EVI5: variants seen among roughly 807,000 people sequenced by gnomAD.
The protein encoded by EVI5 is ecotropic viral integration site 5 protein homolog.
Under a neutral mutation model 112.0 loss-of-function variants are expected in EVI5, and 73 were observed. The observed-to-expected ratio is 0.65, with a 90% CI of 0.54 to 0.79. The LOEUF (loss-of-function observed/expected upper bound fraction) is 0.79. EVI5 is among the 30% of genes least tolerant of loss of function. The pLI is 0.00. For missense variants in EVI5, 900 were observed against 968.8 expected (o/e 0.93, Z 0.94); for synonymous variants, 305 against 319.9 (o/e 0.95, Z 0.50).
intron 19 of EVI5, among the ~76,000 whole-genome samples, chr1:92,530,563 CCTCTGGGACAAAGCT>C (rs1662701760): frequency 1.3e-5 from 2 of 151,942 alleles, no homozygotes; most frequent in Non-Finnish European, 2.9e-5. Flanking sequence ...GGCAGGTGCC[CCTCTGGGACAAAGCT>C]TTCAGAGGAA....
intron 13 of EVI5, among the ~76,000 whole-genome samples, chr1:92,651,273 C>A (rs1477912857): frequency 2.6e-5 from 4 of 152,106 alleles, no homozygotes; most frequent in Non-Finnish European, 5.9e-5. Flanking sequence ...ACAAATTGAA[C>A]CTGATATATT....
At chr1:92,623,912 C>T (rs1023838492) in intron 16 of EVI5, among the ~76,000 whole-genome samples, 1 of 152,134 alleles carries the variant, frequency 6.6e-6, no homozygotes, top group African/African-American at 2.4e-5. Context: ...TCAAGTCATG[C>T]AACAGGGCAA....
intron 10 of EVI5, among the ~76,000 whole-genome samples, chr1:92,675,694 C>T (rs1236678135): frequency 1.3e-5 from 2 of 152,038 alleles, no homozygotes; most frequent in South Asian, 2.1e-4. Context: ...CGGTGGCTCA[C>T]GCCTGTAATC....
At chr1:92,631,234 G>C (rs1025289620) in intron 14 of EVI5, among the ~76,000 whole-genome samples, 1 of 152,152 alleles carries the variant, frequency 6.6e-6, no homozygotes, top group African/African-American at 2.4e-5. Context: ...TTGGTAGCTT[G>C]ATGGGGATGG....
At chr1:92,713,374 A>G (rs926927387) in intron 2 of EVI5, among the ~76,000 whole-genome samples, 3 of 151,492 alleles carry the variant, frequency 2.0e-5, no homozygotes, top group Non-Finnish European at 4.4e-5. Flanking sequence ...ATACTAGACC[A>G]TACTAGATCT....
intron 9 of EVI5, among the ~76,000 whole-genome samples, chr1:92,687,076 T>G (rs992001810): frequency 6.6e-6 from 1 of 152,046 alleles, no homozygotes; most frequent in Non-Finnish European, 1.5e-5. Context: ...GAGCCCACAT[T>G]GCCGAAACAA....
intron 2 of EVI5, among the ~76,000 whole-genome samples, chr1:92,725,503 A>G (rs1380994265): frequency 1.3e-5 from 2 of 152,144 alleles, no homozygotes; most frequent in African/African-American, 2.4e-5. Flanking sequence ...GGTATTCAAT[A>G]AAAAATTATC....
chr1:92,613,040 G>A (rs997080604), intron 16 of EVI5, among the ~76,000 whole-genome samples: 1 of 152,178 alleles, frequency 6.6e-6, no homozygotes, highest in African/African-American at 2.4e-5. Flanking sequence ...CTCAAGAAGG[G>A]GAATAGCAGT....
At chr1:92,560,892 C>G (rs951737715) in intron 19 of EVI5, among the ~76,000 whole-genome samples, 3 of 147,012 alleles carry the variant, frequency 2.0e-5, no homozygotes, top group African/African-American at 5.1e-5. Context: ...TTTTTTAAAG[C>G]TTCTGTTCTT....
At chr1:92,732,328 T>C in intron 2 of EVI5, 1 of 395,154 alleles carries the variant, frequency 2.5e-6, no homozygotes, top group Non-Finnish European at 5.0e-6. Flanking sequence ...CTTACATGAC[T>C]GCCACTCAGT....
chr1:92,594,057 C>T (rs1015273249), intron 18 of EVI5, among the ~76,000 whole-genome samples: 40 of 152,064 alleles, frequency 2.6e-4, no homozygotes, highest in African/African-American at 4.1e-4. Flanking sequence ...CTTCACAGAA[C>T]TGGAAAAAAC....
chr1:92,530,372 T>G (rs1032239751), intron 19 of EVI5, among the ~76,000 whole-genome samples: 10 of 152,042 alleles, frequency 6.6e-5, no homozygotes, highest in African/African-American at 2.4e-4. Flanking sequence ...TCAGCAGACT[T>G]ATACATCCCT....
intron 19 of EVI5, among the ~76,000 whole-genome samples, chr1:92,519,896 T>TA (rs371959112): frequency 0.17 from 19,748 of 118,914 alleles, 1,607 homozygotes; most frequent in Middle Eastern, 0.22. Context: ...ACTCTGTCTT[T>TA]AAAAAAAAAA....
chr1:92,770,373 G>A (rs998161454), intron 1 of EVI5, among the ~76,000 whole-genome samples: 4 of 152,222 alleles, frequency 2.6e-5, no homozygotes, highest in South Asian at 2.1e-4. Context: ...GAGTGCTTCC[G>A]ATTTTTTACT....
chr1:92,695,494 G>A, intron 6 of EVI5, 41 bp from the exon 7 acceptor site: 1 of 1,344,398 alleles, frequency 7.4e-7, no homozygotes, highest in Non-Finnish European at 1.0e-6. Context: ...CAGTAAAACT[G>A]AGTATTTTAA....
intron 1 of EVI5, chr1:92,756,626 A>C: frequency 2.0e-6 from 1 of 505,976 alleles, no homozygotes; most frequent in Non-Finnish European, 4.1e-6. Context: ...AGTGTGTTCT[A>C]GACAGTCTCC....
chr1:92,746,495 G>A (rs1182639), intron 1 of EVI5, among the ~76,000 whole-genome samples: 9,169 of 152,284 alleles, frequency 0.06, 396 homozygotes, highest in Non-Finnish European at 0.09. Flanking sequence ...GGAGGCCGAG[G>A]TGGGTGGATC....
chr1:92,759,951 T>C (rs898048287), intron 1 of EVI5, among the ~76,000 whole-genome samples: 1 of 151,396 alleles, frequency 6.6e-6, no homozygotes, highest in Non-Finnish European at 1.5e-5. Context: ...ATCATGCTGC[T>C]ATAAACATGA....
At chr1:92,712,701 T>C (rs1673026998) in intron 2 of EVI5, among the ~76,000 whole-genome samples, 1 of 152,118 alleles carries the variant, frequency 6.6e-6, no homozygotes. Context: ...AATTTTTAAA[T>C]AGAGACTTGA....
Sources: gnomAD v4.1 joint callset for allele counts (sites outside exome capture counted in the v4.1 genomes callset) on GRCh38, gnomAD v4.1.1 for gene constraint, MANE v1.5 for transcripts, NCBI Gene and HGNC (gene_info 2026-07-23, HGNC 2026-07-21) for gene names.